The following SMARCA4 variants were observed in gnomAD, a reference collection of about 807,000 sequenced individuals.
SMARCA4 encodes the protein SWI/SNF related BAF chromatin remodeling complex subunit ATPase 4, also known as SWI/SNF-related matrix-associated actin-dependent regulator of chromatin subfamily A member 4.
In SMARCA4, 31 loss-of-function variants were observed where a neutral mutation model predicts 193.9. The observed-to-expected ratio is 0.16, with a 90% CI of 0.12 to 0.22. The LOEUF (loss-of-function observed/expected upper bound fraction) is 0.22, where lower values mean the gene tolerates loss of function less well. SMARCA4 is among the 10% of genes least tolerant of loss of function. The pLI is 1.00. For missense variants in SMARCA4, 1,148 were observed against 2,296.0 expected (o/e 0.50, Z 10.22); for synonymous variants, 942 against 933.1 (o/e 1.01, Z -0.17).
At position 11,034,400 on chromosome 19, in the gene SMARCA4, T is replaced by C. The variant is rs1327425300; in HGVS notation, c.3951+200T>C. On this transcript the variant is annotated intron_variant, in intron 28 of 34. Coordinates refer to ENST00000344626, the MANE Select transcript of SMARCA4 (RefSeq NM_003072.5). The surrounding 1 kb of genome is among the most constrained non-coding windows in gnomAD (Gnocchi z 7.0). ...CTGAGGATGGCATCGGAGGGCGAGA[T>C]GCACACCCAGCCTTCTGCATGTGAC... 6.6e-6 allele frequency among the ~76,000 whole-genome samples: 1 copy of C among 152,158 alleles called. No homozygotes were observed. The highest frequency in any genetic ancestry group is 2.4e-5 in the African/African-American group (1 of 41,456).
chr19:11,032,089 G>A (rs1004381297), intron 25 of SMARCA4: 3 of 152,390 alleles, frequency 2.0e-5, no homozygotes, highest in African/African-American at 4.8e-5. Context: ...TGGTTGAGTT[G>A]TGTGTCCCCG....
chr19:11,054,465 G>T (rs983246960), intron 30 of SMARCA4, among the ~76,000 whole-genome samples: 3 of 152,206 alleles, frequency 2.0e-5, no homozygotes, highest in African/African-American at 4.8e-5. Flanking sequence ...CTGGGGGAAG[G>T]ACTGACAGGA....
intron 1 of SMARCA4, among the ~76,000 whole-genome samples, chr19:10,975,957 C>G (rs958785673): frequency 6.6e-6 from 1 of 152,184 alleles, no homozygotes; most frequent in Non-Finnish European, 1.5e-5. Context: ...TATTCTTGCC[C>G]TTTTGGCCCC....
intron 30 of SMARCA4, among the ~76,000 whole-genome samples, chr19:11,043,147 C>T (rs1434980598): frequency 2.0e-5 from 3 of 151,916 alleles, no homozygotes; most frequent in Non-Finnish European, 2.9e-5. Context: ...AAAAATTCGC[C>T]GAGCGTAGTG....
intron 30 of SMARCA4, among the ~76,000 whole-genome samples, chr19:11,052,846 G>C (rs1188371940): frequency 6.6e-6 from 1 of 152,172 alleles, no homozygotes; most frequent in East Asian, 1.9e-4. Context: ...ATCTTCCCCT[G>C]GCACTGGGAA....
intron 11 of SMARCA4, among the ~76,000 whole-genome samples, chr19:11,002,562 C>T (rs1390645499): frequency 3.3e-5 from 5 of 152,098 alleles, no homozygotes; most frequent in Non-Finnish European, 1.5e-5. Flanking sequence ...TTTGGGAGGC[C>T]AAGGCGGGTG....
chr19:10,993,219 C>G (rs1382686632), intron 8 of SMARCA4, among the ~76,000 whole-genome samples: 4 of 152,032 alleles, frequency 2.6e-5, no homozygotes, highest in African/African-American at 9.7e-5. Flanking sequence ...CTCCTGACCT[C>G]AAGTGATCCG....
In SMARCA4 at chr19:10,961,095, G is replaced by A. The variant is rs2083757463; in HGVS notation, c.-111G>A. ...CGGCTTCTTTGTTTCGTGAAGAGAA[G>A]CGAGACGCCCATTCTGCCCCCGGCC... is the stretch of plus-strand genomic sequence containing the variant. On this transcript the variant is annotated 5_prime_UTR_variant, in exon 1 of 35. Coordinates refer to ENST00000344626, the MANE Select transcript of SMARCA4 (RefSeq NM_003072.5). 6.7e-6 allele frequency: 1 copy of A among 149,190 alleles called. No homozygotes were observed. Among genetic ancestry groups the A allele is most frequent in the African/African-American group, 2.4e-5 (1 of 41,066 alleles). 9.2% of individuals were successfully genotyped at this position (149,190 alleles called of 1,614,324 possible).
chr19:10,967,151 A>T (rs906596416), intron 1 of SMARCA4, among the ~76,000 whole-genome samples: 1 of 152,070 alleles, frequency 6.6e-6, no homozygotes, highest in African/African-American at 2.4e-5. Flanking sequence ...TGGGCATGTG[A>T]TTTGTGGCCT....
At chr19:10,979,615 C>T (rs1230159849) in intron 1 of SMARCA4, among the ~76,000 whole-genome samples, 6 of 151,486 alleles carry the variant, frequency 4.0e-5, no homozygotes, top group Non-Finnish European at 7.4e-5. Flanking sequence ...GATCCTTCTG[C>T]CTTGGCCTCC....
intron 1 of SMARCA4, among the ~76,000 whole-genome samples, chr19:10,976,080 C>T (rs987884278): frequency 6.6e-6 from 1 of 152,160 alleles, no homozygotes; most frequent in African/African-American, 2.4e-5. Context: ...TTGAGGGCCC[C>T]ATTGCAGGAC....
intron 11 of SMARCA4, among the ~76,000 whole-genome samples, chr19:11,000,822 T>C (rs1168560211): frequency 7.0e-6 from 1 of 142,880 alleles, no homozygotes; most frequent in African/African-American, 2.6e-5. Flanking sequence ...ATCACACCAC[T>C]GCACTCCAGC....
At chr19:10,966,948 G>A (rs2084272274) in intron 1 of SMARCA4, among the ~76,000 whole-genome samples, 1 of 152,116 alleles carries the variant, frequency 6.6e-6, no homozygotes, top group Non-Finnish European at 1.5e-5. Context: ...AATACTGGGG[G>A]AAGGTATGAG....
chr19:10,980,507 G>A lies in SMARCA4; in HGVS notation c.-31-3614G>A, dbSNP rs369459660. Among the ~76,000 whole-genome samples, 12 of 152,096 alleles carry A rather than the reference G, an allele frequency of 7.9e-5. No individual in the cohort carries two copies. The East Asian group carries it at 1.4e-3, about 17-fold the overall frequency. ...TGTAAAGTACGATTAGGTGGCATAC[G>A]CCTGTAGTCCCAGCTACTCGGGAGG... On this transcript the variant is annotated intron_variant, in intron 1 of 34. Transcript: ENST00000344626.
rs1339109652 is a variant in SMARCA4 at position 11,030,338 on chromosome 19, C to T, written c.3383-392C>T. ...GAGCGGCGGTGTTGCCGGCATTGGC[C>T]GCTGTGTCTTCCGCTCCCCATGGAA... On this transcript the variant is annotated intron_variant, in intron 24 of 34. Transcript: ENST00000344626. This position sits in a 1 kb window ranked among gnomAD's most constrained non-coding sequence, Gnocchi z 5.5. Among the ~76,000 whole-genome samples, 2 of 152,210 alleles carry T rather than the reference C, an allele frequency of 1.3e-5. No homozygotes were observed. The highest frequency in any genetic ancestry group is 2.1e-4 in the South Asian group (1 of 4,838).
chr19:10,979,067 G>C (rs1298972973), intron 1 of SMARCA4, among the ~76,000 whole-genome samples: 1 of 152,172 alleles, frequency 6.6e-6, no homozygotes, highest in Non-Finnish European at 1.5e-5. Flanking sequence ...GATGCGATTG[G>C]ACATTGGCAA....
chr19:11,027,793 G>T lies in SMARCA4; in HGVS notation c.3225G>T (p.Leu1075=), dbSNP rs374499588. 1 of 1,613,938 alleles carries T rather than the reference G, an allele frequency of 6.2e-7. No individual in the cohort carries two copies. Among genetic ancestry groups the T allele is most frequent in the South Asian group, 1.1e-5 (1 of 91,090 alleles). The change falls in exon 24 of 35, where the codon CTG becomes CTT. Residue 1075 remains leucine, a synonymous_variant. Coordinates refer to ENST00000344626, the MANE Select transcript of SMARCA4 (RefSeq NM_003072.5). ...FTGGIVQGLD[L]YRASGKFELL... Reference sequence around the variant, plus strand: ...CTCCTCCACACTCCAGGCTGGACCTGTACCGAGCCTCGGGTAAATTTGAGC... The same window carrying T: ...CTCCTCCACACTCCAGGCTGGACCTTTACCGAGCCTCGGGTAAATTTGAGC...
intron 30 of SMARCA4, among the ~76,000 whole-genome samples, chr19:11,057,088 G>A (rs993904064): frequency 6.6e-6 from 1 of 152,234 alleles, no homozygotes; most frequent in African/African-American, 2.4e-5. Context: ...TTCCCATCAG[G>A]CCCCGTTGGC....
At chr19:11,059,732 G>A in intron 32 of SMARCA4, 21 bp from the exon 33 acceptor site, 1 of 1,555,132 alleles carries the variant, frequency 6.4e-7, no homozygotes, top group Non-Finnish European at 8.7e-7. Context: ...ATCCACTCAA[G>A]CCCCTGGTGT....
Sources: allele counts gnomAD v4.1 joint callset (sites outside exome capture counted in the v4.1 genomes callset), GRCh38; gene constraint gnomAD v4.1.1; non-coding constraint Gnocchi (gnomAD v3.1); transcripts MANE v1.5; gene names NCBI Gene and HGNC (gene_info 2026-07-23, HGNC 2026-07-21).